SIPA1L1: variants seen among roughly 807,000 people sequenced by gnomAD.
SIPA1L1 encodes the protein signal-induced proliferation-associated 1-like protein 1.
SIPA1L1 carries 26 observed loss-of-function variants against 162.7 expected under a neutral mutation model. The observed-to-expected ratio is 0.16, with a 90% CI of 0.12 to 0.22. SIPA1L1 has a LOEUF of 0.22. SIPA1L1 is among the 10% of genes least tolerant of loss of function. The pLI, the probability that SIPA1L1 is intolerant of heterozygous loss-of-function variation, is 1.00. For missense variants in SIPA1L1, 1,874 were observed against 2,241.0 expected (o/e 0.84, Z 3.31); for synonymous variants, 829 against 837.4 (o/e 0.99, Z 0.17).
At chr14:71,677,397 T>G (rs2045321110) in intron 12 of SIPA1L1, among the ~76,000 whole-genome samples, 1 of 152,222 alleles carries the variant, frequency 6.6e-6, no homozygotes, top group Non-Finnish European at 1.5e-5. Flanking sequence ...GGGTAGATTG[T>G]AAAAATGTTC....
chr14:71,516,507 C>T (rs1204828976), intron 3 of SIPA1L1, among the ~76,000 whole-genome samples: 2 of 152,140 alleles, frequency 1.3e-5, no homozygotes, highest in African/African-American at 2.4e-5. Flanking sequence ...CCACCTCAGC[C>T]TCCTGAGTAG....
intron 3 of SIPA1L1, among the ~76,000 whole-genome samples, chr14:71,515,653 C>CA (rs2051638563): frequency 6.6e-6 from 1 of 151,432 alleles, no homozygotes; most frequent in Non-Finnish European, 1.5e-5. Context: ...TATAATATTT[C>CA]TTTTTTTTTG....
intron 4 of SIPA1L1, among the ~76,000 whole-genome samples, chr14:71,559,059 G>GCTTTA (rs2056579407): frequency 6.6e-6 from 1 of 150,632 alleles, no homozygotes; most frequent in Non-Finnish European, 1.5e-5. Context: ...CGTAATTTCA[G>GCTTTA]CTTTACTTTT....
intron 3 of SIPA1L1, among the ~76,000 whole-genome samples, chr14:71,528,294 T>C (rs1437388347): frequency 6.6e-6 from 1 of 152,174 alleles, no homozygotes; most frequent in Admixed American, 6.5e-5. Flanking sequence ...TTAAATTGCA[T>C]TGGGTTGAAC....
chr14:71,542,502 C>T (rs996384739), intron 4 of SIPA1L1, among the ~76,000 whole-genome samples: 2 of 149,976 alleles, frequency 1.3e-5, no homozygotes, highest in East Asian at 2.0e-4. Context: ...TTCTTCTCCT[C>T]GTCGTCCTTC....
At chr14:71,672,216 A>G (rs2044606108) in intron 11 of SIPA1L1, 132 bp from the exon 12 acceptor site, 5 of 842,510 alleles carry the variant, frequency 5.9e-6, no homozygotes, top group Non-Finnish European at 9.3e-6. Flanking sequence ...TGAAGAGGAA[A>G]TAACCAGACT....
At chr14:71,594,065 C>T (rs751701124) in intron 5 of SIPA1L1, among the ~76,000 whole-genome samples, 29 of 152,150 alleles carry the variant, frequency 1.9e-4, no homozygotes, top group Non-Finnish European at 2.9e-4. Flanking sequence ...CACCTTCCTT[C>T]TCCTCCTCCT....
At chr14:71,460,525 C>T (rs1453036410) in intron 2 of SIPA1L1, among the ~76,000 whole-genome samples, 2 of 152,164 alleles carry the variant, frequency 1.3e-5, no homozygotes, top group East Asian at 3.9e-4. Flanking sequence ...ACTGTAACTC[C>T]CTTCTTAGTC....
chr14:71,646,163 GTTTC>G (rs574961848), intron 7 of SIPA1L1, among the ~76,000 whole-genome samples: 126 of 150,570 alleles, frequency 8.4e-4, no homozygotes, highest in Non-Finnish European at 1.4e-3. Flanking sequence ...TGCACTGTCT[GTTTC>G]TTTCTTTCTA....
chr14:71,472,415 G>T (rs868803838), intron 2 of SIPA1L1, among the ~76,000 whole-genome samples: 1 of 151,374 alleles, frequency 6.6e-6, no homozygotes, highest in Non-Finnish European at 1.5e-5. Context: ...TATGTTACGT[G>T]TGGTCATGAT....
chr14:71,729,447 A>T (rs72729986), intron 19 of SIPA1L1, among the ~76,000 whole-genome samples: 1 of 152,220 alleles, frequency 6.6e-6, no homozygotes, highest in South Asian at 2.1e-4. Context: ...TTAGTAGTTA[A>T]TCAAGAGCTA....
In SIPA1L1 at chr14:71,554,862, T is replaced by G. The variant is rs2056209839; in HGVS notation, c.-303+25492T>G. On this transcript the variant is annotated intron_variant, in intron 4 of 23. Coordinates refer to ENST00000381232, the MANE Select transcript of SIPA1L1 (RefSeq NM_001386936.1). ...CACAGAATTTTGTCTTTTGAATTGT[T>G]TCCTTAAAAAATACTCAGGAATAAA... Among the ~76,000 whole-genome samples, 3 of 152,122 alleles carry G rather than the reference T, an allele frequency of 2.0e-5. No individual in the cohort carries two copies. The South Asian group carries it at 6.2e-4, about 31-fold the overall frequency.
In SIPA1L1 at chr14:71,356,581, A is replaced by AAAAAAAAAAAAAAAAAAAAAAAAC. The variant is rs2037281718; in HGVS notation, c.-465+35406_-465+35407insAAAAAAAAAAAAAAAAACAAAAAA. Among the ~76,000 whole-genome samples, 2 of 144,904 alleles carry AAAAAAAAAAAAAAAAAAAAAAAAC rather than the reference A, an allele frequency of 1.4e-5. 1 individual carries two copies. Among genetic ancestry groups the AAAAAAAAAAAAAAAAAAAAAAAAC allele is most frequent in the East Asian group, 3.9e-4 (2 of 5,148 alleles). ...CCTTGTCTCTACAAAAAAAAAAAAAAAAAAAAGCACACCTGTTGTCCTAGC... is the reference window on the plus strand; with the variant it reads ...CCTTGTCTCTACAAAAAAAAAAAAAAAAAAAAAAAAAAAAAAAAAAAAACAAAAAAGCACACCTGTTGTCCTAGC... On this transcript the variant is annotated intron_variant, in intron 2 of 23. Coordinates refer to ENST00000381232, the MANE Select transcript of SIPA1L1 (RefSeq NM_001386936.1).
chr14:71,321,242 C>T (rs1360714334), intron 2 of SIPA1L1, 61 bp downstream of exon 2: 1 of 152,266 alleles, frequency 6.6e-6, no homozygotes, highest in African/African-American at 2.4e-5. Context: ...CTGACAGCCC[C>T]CTGCCCTGTT....
intron 4 of SIPA1L1, among the ~76,000 whole-genome samples, chr14:71,536,298 C>A (rs1473891512): frequency 6.6e-6 from 1 of 152,172 alleles, no homozygotes; most frequent in Non-Finnish European, 1.5e-5. Context: ...TATGCCACAA[C>A]CCTCTTAACT....
At chr14:71,340,659 A>G (rs1378181315) in intron 2 of SIPA1L1, among the ~76,000 whole-genome samples, 1 of 152,072 alleles carries the variant, frequency 6.6e-6, no homozygotes, top group African/African-American at 2.4e-5. Context: ...AGTTAATACC[A>G]TTTCTTTTTC....
intron 7 of SIPA1L1, among the ~76,000 whole-genome samples, chr14:71,635,764 T>A (rs867897755): frequency 1.3e-5 from 2 of 152,250 alleles, no homozygotes; most frequent in Middle Eastern, 3.4e-3. Flanking sequence ...AAGATCTAAA[T>A]ATACCAATTA....
chr14:71,416,329 G>A (rs1566994173), intron 2 of SIPA1L1: 1 of 152,024 alleles, frequency 6.6e-6, no homozygotes, highest in Admixed American at 6.5e-5. Flanking sequence ...TCAAGACAGA[G>A]CATTTTGGGT....
intron 2 of SIPA1L1, among the ~76,000 whole-genome samples, chr14:71,406,712 T>C (rs1040459998): frequency 6.6e-6 from 1 of 152,214 alleles, no homozygotes; most frequent in African/African-American, 2.4e-5. Context: ...AGTAATATAT[T>C]TTTTCTTTTC....
Sources: allele counts gnomAD v4.1 joint callset (sites outside exome capture counted in the v4.1 genomes callset), GRCh38; gene constraint gnomAD v4.1.1; transcripts MANE v1.5; gene names NCBI Gene and HGNC (gene_info 2026-07-23, HGNC 2026-07-21).